Variants in OIP5 observed in about 807,000 individuals in gnomAD.
OIP5 encodes Opa interacting protein 5, also known as protein Mis18-beta.
In OIP5, 24 loss-of-function variants were observed where a neutral mutation model predicts 20.3. The ratio of observed to expected loss-of-function variants is 1.18; its 90% CI spans 0.86 to 1.66. The LOEUF is 1.66. Ranked by LOEUF, OIP5 falls within the 40% of genes most tolerant of loss-of-function variation. The pLI, the probability that OIP5 is intolerant of heterozygous loss-of-function variation, is 0.00. For missense variants in OIP5, 339 were observed against 289.5 expected, an observed-to-expected ratio of 1.17 and a Z score of -1.24; for synonymous variants, 143 against 121.3, an observed-to-expected ratio of 1.18 and a Z score of -1.17.
At chr15:41,319,204 C>G (rs942954512) in intron 3 of OIP5, among the ~76,000 whole-genome samples, 5 of 151,646 alleles carry the variant, frequency 3.3e-5, no homozygotes, top group Non-Finnish European at 5.9e-5. Flanking sequence ...TCCCAAGTAG[C>G]TGGGATTACA....
chr15:41,332,200 G>T, intron 1 of OIP5, 40 bp downstream of exon 1: 1 of 1,521,286 alleles, frequency 6.6e-7, no homozygotes, highest in Non-Finnish European at 8.8e-7. Context: ...CACCCTCTCG[G>T]GCTAGCCTCT....
chr15:41,328,611 G>A (rs562330210), intron 2 of OIP5, among the ~76,000 whole-genome samples: 28 of 152,046 alleles, frequency 1.8e-4, no homozygotes, highest in Non-Finnish European at 3.2e-4. Flanking sequence ...AAATGTAGAC[G>A]GAAGTAACCT....
At chr15:41,325,448 A>G (rs186893270) in intron 2 of OIP5, among the ~76,000 whole-genome samples, 1 of 152,094 alleles carries the variant, frequency 6.6e-6, no homozygotes, top group Non-Finnish European at 1.5e-5. Context: ...AGAATTACCA[A>G]CATGTGACAC....
chr15:41,319,543 T>A, intron 3 of OIP5, 115 bp downstream of exon 3: 3 of 1,077,886 alleles, frequency 2.8e-6, no homozygotes, highest in Non-Finnish European at 3.9e-6. Flanking sequence ...CATAAGCCAC[T>A]GTGCTCAGCC....
intron 2 of OIP5, among the ~76,000 whole-genome samples, chr15:41,321,630 T>C (rs1234979163): frequency 8.0e-4 from 121 of 152,052 alleles, no homozygotes; most frequent in South Asian, 2.7e-3. Flanking sequence ...TTACCCCCAA[T>C]CCTGTGCTCT....
intron 2 of OIP5, among the ~76,000 whole-genome samples, chr15:41,323,711 T>TCCTC (rs140657345): frequency 0.18 from 26,961 of 151,894 alleles, 3,070 homozygotes; most frequent in Non-Finnish European, 0.25. Context: ...GCTCAAGCAA[T>TCCTC]CCTCCCACTT....
intron 3 of OIP5, among the ~76,000 whole-genome samples, chr15:41,316,508 G>A (rs983058812): frequency 2.6e-5 from 4 of 151,820 alleles, no homozygotes; most frequent in African/African-American, 4.8e-5. Flanking sequence ...GAGAAAAAGC[G>A]GCCGGGCGCG....
intron 3 of OIP5, among the ~76,000 whole-genome samples, chr15:41,316,768 C>T (rs77496152): frequency 0.087 from 11,655 of 134,314 alleles, 595 homozygotes; most frequent in African/African-American, 0.16. Flanking sequence ...CCAGCCTGGG[C>T]GCCACAGCAA....
At chr15:41,322,611 A>C (rs1341760760) in intron 2 of OIP5, among the ~76,000 whole-genome samples, 1 of 152,070 alleles carries the variant, frequency 6.6e-6, no homozygotes, top group Non-Finnish European at 1.5e-5. Context: ...CCAGGCTAGG[A>C]GAATTCTATT....
At chr15:41,316,571 C>T (rs1396253523) in intron 3 of OIP5, among the ~76,000 whole-genome samples, 8 of 152,046 alleles carry the variant, frequency 5.3e-5, no homozygotes, top group Admixed American at 1.3e-4. Context: ...GGGCGGATCA[C>T]GAGGTCAAGG....
At chr15:41,311,254 G>C (rs182304777) in intron 4 of OIP5, among the ~76,000 whole-genome samples, 1 of 152,134 alleles carries the variant, frequency 6.6e-6, no homozygotes, top group Non-Finnish European at 1.5e-5. Flanking sequence ...GGTAGTGCGC[G>C]CCTGTAGTCC....
At chr15:41,330,183 C>T (rs528029510) in intron 2 of OIP5, among the ~76,000 whole-genome samples, 5 of 152,014 alleles carry the variant, frequency 3.3e-5, no homozygotes, top group South Asian at 2.1e-4. Flanking sequence ...CTCCACCTCC[C>T]GGGTTCAAGC....
intron 2 of OIP5, among the ~76,000 whole-genome samples, chr15:41,324,709 G>C (rs994151713): frequency 2.0e-5 from 3 of 151,840 alleles, no homozygotes; most frequent in African/African-American, 7.3e-5. Flanking sequence ...GGCTGGTCTT[G>C]AATTCCTGAC....
At chr15:41,324,358 A>C (rs1418629632) in intron 2 of OIP5, among the ~76,000 whole-genome samples, 2 of 152,110 alleles carry the variant, frequency 1.3e-5, no homozygotes, top group Non-Finnish European at 2.9e-5. Flanking sequence ...AGAATTGAAC[A>C]GAGTTAGGGC....
At chr15:41,331,528 T>G (rs190913799) in intron 2 of OIP5, among the ~76,000 whole-genome samples, 1 of 152,208 alleles carries the variant, frequency 6.6e-6, no homozygotes, top group Admixed American at 6.5e-5. Context: ...GGGGCTGTAG[T>G]GAGCTATGAG....
intron 3 of OIP5, among the ~76,000 whole-genome samples, chr15:41,318,013 GAATCACACATGATACA>G (rs2047798305): frequency 6.6e-6 from 1 of 152,038 alleles, no homozygotes; most frequent in African/African-American, 2.4e-5. Context: ...CTGGGAGTGG[GAATCACACATGATACA>G]AATCACACAT....
intron 2 of OIP5, among the ~76,000 whole-genome samples, 182 bp downstream of exon 2, chr15:41,331,733 G>A (rs2047917417): frequency 6.6e-6 from 1 of 151,908 alleles, no homozygotes; most frequent in Non-Finnish European, 1.5e-5. Flanking sequence ...GTGGCCCTCA[G>A]GAAGATCCTA....
chr15:41,325,235 T>C (rs1349021085), intron 2 of OIP5, among the ~76,000 whole-genome samples: 1 of 151,618 alleles, frequency 6.6e-6, no homozygotes, highest in African/African-American at 2.4e-5. Context: ...AAACCCCATC[T>C]CTACTAAAAC....
chr15:41,324,781 C>T (rs746137778), intron 2 of OIP5, among the ~76,000 whole-genome samples: 6 of 152,194 alleles, frequency 3.9e-5, no homozygotes, highest in African/African-American at 7.2e-5. Flanking sequence ...TGAGCCACCG[C>T]GCCTAACCCC....
Sources: gnomAD v4.1 joint callset for allele counts (sites outside exome capture counted in the v4.1 genomes callset) on GRCh38, gnomAD v4.1.1 for gene constraint, MANE v1.5 for transcripts, NCBI Gene and HGNC (gene_info 2026-07-23, HGNC 2026-07-21) for gene names.